Variants in PSMC2 observed in about 807,000 individuals in gnomAD.
PSMC2 encodes proteasome 26S subunit, ATPase 2.
Under a neutral mutation model 53.3 loss-of-function variants are expected in PSMC2, and 7 were observed. The ratio of observed to expected loss-of-function variants is 0.13; its 90% CI spans 0.07 to 0.25. The LOEUF (loss-of-function observed/expected upper bound fraction) is 0.25. Ranked by LOEUF, PSMC2 falls within the 10% of genes least tolerant of loss-of-function variation. The pLI, the probability that PSMC2 is intolerant of heterozygous loss-of-function variation, is 1.00. For missense variants in PSMC2, 241 were observed against 544.0 expected (o/e 0.44, Z 5.54); for synonymous variants, 169 against 183.9 (o/e 0.92, Z 0.66).
intron 1 of PSMC2, 30 bp downstream of exon 1, chr7:103,347,811 T>TG: frequency 6.2e-7 from 1 of 1,612,890 alleles, no homozygotes; most frequent in Non-Finnish European, 8.5e-7. Context: ...AGCTCGGAGC[T>TG]GGGGCGGGAC....
Position 103,367,577 on chromosome 7 carries a change from T to A in PSMC2, c.1009T>A (p.Leu337Met), listed in dbSNP as rs1242948525. ...LDPALMRPGR[L>M]DRKIEFSLPD... Reference sequence around the variant, plus strand: ...TCCAGCACTGATGAGGCCAGGGAGATTGGATAGAAAAATTGAATTTAGCTT... The same window carrying A: ...TCCAGCACTGATGAGGCCAGGGAGAATGGATAGAAAAATTGAATTTAGCTT... The change falls in exon 10 of 12, where the codon TTG becomes ATG. Residue 337 changes from leucine (L) to methionine (M), a missense_variant. This residue lies in a region of PSMC2 where 10 missense variants were observed against 41.0 expected (regional missense o/e 0.24). Transcript: ENST00000292644. This position sits in a 1 kb window ranked among gnomAD's most constrained non-coding sequence, Gnocchi z 6.1. The A allele has an allele frequency of 6.2e-7, 1 of 1,614,086 alleles. No individual in the cohort carries two copies. Among genetic ancestry groups the A allele is most frequent in the Admixed American group, 1.7e-5 (1 of 60,002 alleles).
chr7:103,355,849 T>C, intron 4 of PSMC2, 56 bp downstream of exon 4: 1 of 1,254,596 alleles, frequency 8.0e-7, no homozygotes, highest in Non-Finnish European at 1.2e-6. Context: ...AAGCACTTAA[T>C]GTTAGAGTCT....
Position 103,366,159 on chromosome 7 carries a change from T to C in PSMC2, c.840T>C (p.Ile280=). The C allele has an allele frequency of 6.2e-7, 1 of 1,611,326 alleles. No individual in the cohort carries two copies. The highest frequency in any genetic ancestry group is 8.5e-7 in the Non-Finnish European group (1 of 1,177,654). ...CLIFFDEIDA[I]GGARFDDGAG... ...TCTTCTTTGATGAAATTGATGCTAT[T>C]GGAGGTGAGAATGATACGTTAGAGA... The change falls in exon 9 of 12, where the codon ATT becomes ATC. Residue 280 remains isoleucine, a synonymous_variant. Coordinates refer to ENST00000292644, the MANE Select transcript of PSMC2 (RefSeq NM_002803.4).
chr7:103,354,582 C>T (rs1162739574), intron 2 of PSMC2, among the ~76,000 whole-genome samples: 4 of 152,096 alleles, frequency 2.6e-5, no homozygotes, highest in African/African-American at 9.6e-5. Context: ...GTTGGCCAGG[C>T]TGGTCTTGAA....
intron 5 of PSMC2, chr7:103,362,374 C>T: frequency 7.5e-7 from 1 of 1,338,248 alleles, no homozygotes; most frequent in Non-Finnish European, 9.5e-7. Context: ...TGGGGGAGTA[C>T]TTGCTTTAGG....
chr7:103,367,597 T>C lies in PSMC2; in HGVS notation c.1029T>C (p.Phe343=). 6.2e-7 allele frequency: 1 copy of C among 1,614,146 alleles called. No individual in the cohort carries two copies. Among genetic ancestry groups the C allele is most frequent in the Non-Finnish European group, 8.5e-7 (1 of 1,180,022 alleles). Residue 343 remains phenylalanine, a synonymous_variant, in exon 10 of 12, where the codon TTT becomes TTC. Transcript: ENST00000292644. The surrounding 1 kb of genome is among the most constrained non-coding windows in gnomAD (Gnocchi z 6.1). ...GGAGATTGGATAGAAAAATTGAATT[T>C]AGCTTGCCCGATCTAGAGGTAAGAA... is the stretch of plus-strand genomic sequence containing the variant. ...RPGRLDRKIE[F]SLPDLEGRTH... is the part of the protein sequence containing the mutation.
chr7:103,361,510 C>CAAAAAAAAAAAAAAAAAAA (rs759044767), intron 4 of PSMC2, among the ~76,000 whole-genome samples: 2 of 51,102 alleles, frequency 3.9e-5, no homozygotes, highest in Non-Finnish European at 8.1e-5. Flanking sequence ...AACTCCATCT[C>CAAAAAAAAAAAAAAAAAAA]AAAAAAAAAA....
intron 7 of PSMC2, among the ~76,000 whole-genome samples, 183 bp from the exon 8 acceptor site, chr7:103,363,960 G>T (rs1330391482): frequency 6.6e-6 from 1 of 152,168 alleles, no homozygotes; most frequent in Non-Finnish European, 1.5e-5. Flanking sequence ...TTATGTCTTA[G>T]AATAAGTAAA....
In PSMC2 at chr7:103,353,870, T is replaced by C. The variant is rs79802159; in HGVS notation, c.71-51T>C. On this transcript the variant is annotated intron_variant, in intron 1 of 11. Coordinates refer to ENST00000292644, the MANE Select transcript of PSMC2 (RefSeq NM_002803.4). ...AAAGCTCTAGTTTCTTTTTTAAAAA[T>C]TTTAATTCTAGTTTCTTTTTGAATC... 2,446 of 1,512,480 alleles carry C rather than the reference T, an allele frequency of 1.6e-3. 31 individuals are homozygous for C. The African/African-American group carries it at 0.03, about 18-fold the overall frequency. The allele number at this position is 1,512,480 out of a possible 1,614,324, so 93.7% of individuals were successfully genotyped here.
intron 1 of PSMC2, chr7:103,352,926 G>A (rs1819804881): frequency 9.0e-6 from 7 of 780,872 alleles, no homozygotes; most frequent in Non-Finnish European, 1.4e-5. Context: ...CTGTATGAAA[G>A]CTGAAACAAG....
intron 1 of PSMC2, among the ~76,000 whole-genome samples, chr7:103,353,521 G>C (rs1370795149): frequency 6.6e-6 from 1 of 152,124 alleles, no homozygotes. Context: ...TGGCTAGGCT[G>C]GTCTCAAACT....
intron 6 of PSMC2, 102 bp from the exon 7 acceptor site, chr7:103,363,242 C>A: frequency 2.3e-6 from 2 of 879,448 alleles, no homozygotes; most frequent in Non-Finnish European, 3.6e-6. Flanking sequence ...AAAATTCTCA[C>A]TTGTGAGTTT....
intron 4 of PSMC2, among the ~76,000 whole-genome samples, chr7:103,356,578 T>C (rs978426037): frequency 2.6e-5 from 4 of 152,230 alleles, no homozygotes; most frequent in Non-Finnish European, 4.4e-5. Flanking sequence ...ACTAGTATGA[T>C]AGCTACTTCT....
In PSMC2 at chr7:103,347,770, A is replaced by C; in HGVS notation, c.59A>C (p.Lys20Thr). 1 of 1,613,910 alleles carries C rather than the reference A, an allele frequency of 6.2e-7. No individual in the cohort carries two copies. Among genetic ancestry groups the C allele is most frequent in the Non-Finnish European group, 8.5e-7 (1 of 1,179,834 alleles). ...ACCAAAGAGGATGAGAAGGACGACAAGCCCATCCGAGGTCAGTTGACATGG... is the reference window on the plus strand; with the variant it reads ...ACCAAAGAGGATGAGAAGGACGACACGCCCATCCGAGGTCAGTTGACATGG... ...RKTKEDEKDD[K>T]PIRALDEGDI... Residue 20 changes from lysine (K) to threonine (T), a missense_variant, in exon 1 of 12, where the codon AAG becomes ACG. This residue lies in a region of PSMC2 where 70 missense variants were observed against 57.9 expected (regional missense o/e 1.21). Coordinates refer to ENST00000292644, the MANE Select transcript of PSMC2 (RefSeq NM_002803.4).
chr7:103,364,355 A>T (rs1391438981), intron 8 of PSMC2, 48 bp downstream of exon 8: 1 of 1,591,690 alleles, frequency 6.3e-7, no homozygotes, highest in Admixed American at 1.7e-5. Flanking sequence ...AAGATTTTAC[A>T]GTATGAATGA....
intron 1 of PSMC2, among the ~76,000 whole-genome samples, chr7:103,351,404 G>A (rs986646691): frequency 6.6e-6 from 1 of 152,168 alleles, no homozygotes; most frequent in Non-Finnish European, 1.5e-5. Flanking sequence ...CCAGCAACAG[G>A]TAGTGACAAT....
At chr7:103,350,865 A>G (rs1819716775) in intron 1 of PSMC2, among the ~76,000 whole-genome samples, 1 of 152,104 alleles carries the variant, frequency 6.6e-6, no homozygotes, top group South Asian at 2.1e-4. Flanking sequence ...ACTGAGCAGT[A>G]GTTTCTTAAT....
intron 4 of PSMC2, among the ~76,000 whole-genome samples, chr7:103,357,989 A>T (rs1028575225): frequency 6.6e-5 from 10 of 152,092 alleles, no homozygotes; most frequent in Non-Finnish European, 1.5e-5. Flanking sequence ...TGCCTGTTTA[A>T]TGACAATTGT....
chr7:103,349,762 T>G (rs895744944), intron 1 of PSMC2, among the ~76,000 whole-genome samples: 2 of 152,208 alleles, frequency 1.3e-5, no homozygotes, highest in African/African-American at 4.8e-5. Flanking sequence ...ATTAAGTTAC[T>G]TTCAATTTAA....
Sources: allele counts gnomAD v4.1 joint callset (sites outside exome capture counted in the v4.1 genomes callset), GRCh38; gene constraint gnomAD v4.1.1; regional missense constraint gnomAD v4.1.1; non-coding constraint Gnocchi (gnomAD v3.1); transcripts MANE v1.5; gene names NCBI Gene and HGNC (gene_info 2026-07-23, HGNC 2026-07-21).